LARGE1: variants seen among roughly 807,000 people sequenced by gnomAD.
The protein encoded by LARGE1 is xylosyl- and glucuronyltransferase LARGE1.
In LARGE1, 43 loss-of-function variants were observed where a neutral mutation model predicts 87.6. That is an observed-to-expected ratio of 0.49 (90% CI 0.38 to 0.63). The LOEUF is 0.63. Ranked by LOEUF, LARGE1 falls within the 30% of genes least tolerant of loss-of-function variation. The pLI is 0.00. For missense variants in LARGE1, 802 were observed against 1,000.2 expected, an observed-to-expected ratio of 0.80 and a Z score of 2.67; for synonymous variants, 434 against 394.6, an observed-to-expected ratio of 1.10 and a Z score of -1.18.
Position 33,181,827 on chromosome 22 carries a change from CTTTTTTT to C in LARGE1, c.1731-15002_1731-14996del, listed in dbSNP as rs56347007. On this transcript the variant is annotated intron_variant, in intron 11 of 11. Transcript: ENST00000608642. ...ACAGGCGTGAGCCAGTATGCCTGGC[CTTTTTTT>C]TTTTTTTTTTTTTTTACATGGAGTC... Among the ~76,000 whole-genome samples, 227 of 128,444 alleles carry C rather than the reference CTTTTTTT, an allele frequency of 1.8e-3. 6 individuals are homozygous for C. Among genetic ancestry groups the C allele is most frequent in the African/African-American group, 5.1e-3 (160 of 31,266 alleles). The allele number at this position is 128,444 out of a possible 152,430, so 84.3% of individuals were successfully genotyped here.
At chr22:33,313,690 C>G (rs1297104516) in intron 11 of LARGE1, among the ~76,000 whole-genome samples, 1 of 152,166 alleles carries the variant, frequency 6.6e-6, no homozygotes, top group East Asian at 1.9e-4. Flanking sequence ...GGACACCCAT[C>G]AACAGCCAGC....
At chr22:33,812,978 G>A (rs2086543640) in intron 1 of LARGE1, among the ~76,000 whole-genome samples, 1 of 152,104 alleles carries the variant, frequency 6.6e-6, no homozygotes, top group Admixed American at 6.6e-5. Flanking sequence ...CCTATTAGGT[G>A]GTACCAAATT....
At chr22:33,451,570 T>C (rs2067923666) in intron 6 of LARGE1, among the ~76,000 whole-genome samples, 1 of 151,230 alleles carries the variant, frequency 6.6e-6, no homozygotes, top group Admixed American at 6.6e-5. Flanking sequence ...ATTCTTTTTT[T>C]TTTTTTTGAG....
At chr22:33,679,688 A>C (rs955121246) in intron 2 of LARGE1, among the ~76,000 whole-genome samples, 4 of 152,142 alleles carry the variant, frequency 2.6e-5, no homozygotes, top group African/African-American at 4.8e-5. Context: ...CCAAAAGTAC[A>C]AAAATTAGCC....
intron 6 of LARGE1, among the ~76,000 whole-genome samples, chr22:33,505,841 C>T (rs1244676649): frequency 6.6e-6 from 1 of 152,158 alleles, no homozygotes; most frequent in Non-Finnish European, 1.5e-5. Flanking sequence ...TCTTTTCTCT[C>T]ACTTACTAAT....
chr22:33,783,546 CAG>C (rs1443313120), intron 1 of LARGE1, among the ~76,000 whole-genome samples: 1 of 152,160 alleles, frequency 6.6e-6, no homozygotes, highest in Non-Finnish European at 1.5e-5. Context: ...GCCTGGGCAA[CAG>C]AGCGAAACTC....
chr22:33,254,963 A>C (rs1190709931), intron 11 of LARGE1, among the ~76,000 whole-genome samples: 2 of 127,468 alleles, frequency 1.6e-5, no homozygotes, highest in African/African-American at 6.3e-5. Flanking sequence ...TTTGAGACGG[A>C]GTCTCACTCC....
At chr22:33,458,014 T>A (rs1569181397) in intron 6 of LARGE1, among the ~76,000 whole-genome samples, 1 of 152,234 alleles carries the variant, frequency 6.6e-6, no homozygotes, top group Non-Finnish European at 1.5e-5. Context: ...ACCTGAAGTT[T>A]ATTATAAAGA....
chr22:33,607,461 C>CAAAAAAAAAA (rs1217376084), intron 4 of LARGE1, among the ~76,000 whole-genome samples: 13 of 57,998 alleles, frequency 2.2e-4, no homozygotes, highest in Non-Finnish European at 3.5e-4. Context: ...AACTGCATCT[C>CAAAAAAAAAA]AAAAAAAAAA....
chr22:33,338,569 T>C (rs1938764288), intron 9 of LARGE1, among the ~76,000 whole-genome samples: 1 of 152,238 alleles, frequency 6.6e-6, no homozygotes, highest in Non-Finnish European at 1.5e-5. Context: ...GTTCAAATAA[T>C]TGCTGTGGTT....
At chr22:33,542,700 CCT>C (rs1569253797) in intron 6 of LARGE1, among the ~76,000 whole-genome samples, 1 of 151,252 alleles carries the variant, frequency 6.6e-6, no homozygotes, top group African/African-American at 2.4e-5. Context: ...TGGCTTTGCC[CCT>C]GACAGTGTGA....
intron 2 of LARGE1, among the ~76,000 whole-genome samples, chr22:33,688,450 C>T (rs1377627037): frequency 2.0e-5 from 3 of 152,158 alleles, no homozygotes; most frequent in African/African-American, 4.8e-5. Context: ...CTCCTGGGTT[C>T]AAGCAATTCT....
chr22:33,490,857 T>C (rs973859471), intron 6 of LARGE1, among the ~76,000 whole-genome samples: 2 of 152,236 alleles, frequency 1.3e-5, no homozygotes, highest in South Asian at 2.1e-4. Context: ...GCTCCACTTC[T>C]TGAGTTTTCT....
chr22:33,325,263 C>G (rs1937139262), intron 10 of LARGE1, among the ~76,000 whole-genome samples: 1 of 152,244 alleles, frequency 6.6e-6, no homozygotes, highest in Non-Finnish European at 1.5e-5. Flanking sequence ...ATATTTTGCT[C>G]TCTTCCTGGG....
At chr22:33,438,773 A>G (rs187512842) in intron 6 of LARGE1, among the ~76,000 whole-genome samples, 7 of 152,350 alleles carry the variant, frequency 4.6e-5, no homozygotes, top group Admixed American at 4.6e-4. Flanking sequence ...AAAGGATTTT[A>G]AAACTTGGCA....
At chr22:33,218,760 G>A (rs1206940817) in intron 11 of LARGE1, among the ~76,000 whole-genome samples, 3 of 152,146 alleles carry the variant, frequency 2.0e-5, no homozygotes, top group Non-Finnish European at 4.4e-5. Flanking sequence ...TAGAGACTCA[G>A]CCAAGTTTAC....
At chr22:33,871,501 C>G (rs2064279742) in intron 1 of LARGE1, among the ~76,000 whole-genome samples, 1 of 152,174 alleles carries the variant, frequency 6.6e-6, no homozygotes. Context: ...AAAGTCAGAA[C>G]ACAGATGCTA....
intron 6 of LARGE1, among the ~76,000 whole-genome samples, chr22:33,459,132 C>T (rs1486340171): frequency 6.6e-6 from 1 of 152,104 alleles, no homozygotes; most frequent in Admixed American, 6.5e-5. Flanking sequence ...CATCACCCCT[C>T]GGCCCCCAAC....
rs76618938 is a variant in LARGE1, at chr22:33,897,410, T to C, written c.-83+22585A>G. On this transcript the variant is annotated intron_variant, in intron 1 of 14. Transcript: ENST00000397394. ...TTATTATTTCAGGCAGAATAAGGGG[T>C]TCCTTCCTGTGGTCCCAAAGTAGCA... Among the ~76,000 whole-genome samples the C allele has an allele frequency of 9.0e-3, 1,369 of 152,214 alleles. 36 individuals carry two copies. Among genetic ancestry groups the C allele is most frequent in the African/African-American group, 0.031 (1,302 of 41,532 alleles).
Sources: allele counts gnomAD v4.1 joint callset (sites outside exome capture counted in the v4.1 genomes callset), GRCh38; gene constraint gnomAD v4.1.1; transcripts MANE v1.5; gene names NCBI Gene and HGNC (gene_info 2026-07-23, HGNC 2026-07-21).